ARID4B: variants seen among roughly 807,000 people sequenced by gnomAD.
ARID4B encodes the protein AT-rich interactive domain-containing protein 4B.
Under a neutral mutation model 147.5 loss-of-function variants are expected in ARID4B, and 26 were observed. That is an observed-to-expected ratio of 0.18 (90% CI 0.13 to 0.24). The LOEUF (loss-of-function observed/expected upper bound fraction) is 0.24, where lower values mean the gene tolerates loss of function less well. Ranked by LOEUF, ARID4B falls within the 10% of genes least tolerant of loss-of-function variation. The pLI is 1.00. For synonymous variants in ARID4B, 512 were observed against 507.9 expected, an observed-to-expected ratio of 1.01 and a Z score of -0.11; for missense variants, 1,179 against 1,511.5, an observed-to-expected ratio of 0.78 and a Z score of 3.65.
intron 2 of ARID4B, among the ~76,000 whole-genome samples, chr1:235,274,570 TTA>T (rs1021940594): frequency 3.3e-5 from 5 of 152,090 alleles, no homozygotes; most frequent in African/African-American, 1.2e-4. Flanking sequence ...CCTTTTGAAT[TTA>T]GTGTCATTTG....
At chr1:235,308,231 T>A (rs1232217744) in intron 2 of ARID4B, among the ~76,000 whole-genome samples, 1 of 151,134 alleles carries the variant, frequency 6.6e-6, no homozygotes, top group Non-Finnish European at 1.5e-5. Context: ...CCTGAGTAGC[T>A]GGGACCAGAA....
At chr1:235,189,405 A>C (rs1664927530) in intron 19 of ARID4B, among the ~76,000 whole-genome samples, 1 of 150,780 alleles carries the variant, frequency 6.6e-6, no homozygotes, top group African/African-American at 2.4e-5. Flanking sequence ...GTCTCAAAAA[A>C]AAAAAAAAAA....
At chr1:235,230,611 A>AAC (rs1668150267) in intron 10 of ARID4B, among the ~76,000 whole-genome samples, 1 of 132,720 alleles carries the variant, frequency 7.5e-6, no homozygotes, top group Non-Finnish European at 1.6e-5. Flanking sequence ...AAAAAAAAAA[A>AAC]AAAAACCAGA....
In ARID4B at chr1:235,182,403, G is replaced by C; in HGVS notation, c.2516C>G (p.Pro839Arg). 6.2e-7 allele frequency: 1 copy of C among 1,608,242 alleles called. No homozygotes were observed. Among genetic ancestry groups the C allele is most frequent in the Non-Finnish European group, 8.5e-7 (1 of 1,178,650 alleles). ...NTEECLKTGS[P>R]GKKEEKAKNK... The stretch of plus-strand genomic sequence containing the variant: ...CTTGGCCTTCTCTTCCTTTTTGCCA[G>C]GTGATCCAGTTTTTAGACACTCTTC... The change falls in exon 20 of 24, where the codon CCT becomes CGT. Residue 839 changes from proline to arginine, a missense_variant. By Grantham distance (103) the Pro-to-Arg change is moderately radical (BLOSUM62 -2). Transcript: ENST00000264183.
chr1:235,218,903 T>TC (rs1235199913), intron 16 of ARID4B, among the ~76,000 whole-genome samples: 26 of 144,614 alleles, frequency 1.8e-4, no homozygotes, highest in Admixed American at 1.7e-3. Flanking sequence ...TCTCACTCGA[T>TC]CCCCCAAGCT....
Position 235,182,807 on chromosome 1 carries a change from G to GAA in ARID4B, c.2126-16_2126-15dup, listed in dbSNP as rs60537954. The stretch of plus-strand genomic sequence containing the variant: ...AACTTTCAGAAGCTAGAAAATAACA[G>GAA]AAAAAAAAATGATGAGTATGATAAG... On this transcript the variant is annotated splice_polypyrimidine_tract_variant and intron_variant, in intron 19 of 23. Coordinates refer to ENST00000264183, the MANE Select transcript of ARID4B (RefSeq NM_016374.6). 7,790 of 1,540,264 alleles carry GAA rather than the reference G, an allele frequency of 5.1e-3. 304 individuals carry two copies. In the African/African-American group the frequency reaches 0.097, roughly 19 times the overall value.
intron 7 of ARID4B, among the ~76,000 whole-genome samples, chr1:235,242,322 C>G (rs565545046): frequency 6.6e-6 from 1 of 151,768 alleles, no homozygotes; most frequent in African/African-American, 2.4e-5. Context: ...AAGTAGGTAA[C>G]AATAAGAAAA....
intron 2 of ARID4B, among the ~76,000 whole-genome samples, chr1:235,263,803 C>G (rs903249104): frequency 6.6e-6 from 1 of 151,036 alleles, no homozygotes; most frequent in East Asian, 1.9e-4. Context: ...CTGGCTAACA[C>G]GGTGAAACCC....
intron 11 of ARID4B, among the ~76,000 whole-genome samples, chr1:235,225,666 C>T (rs899547607): frequency 6.6e-6 from 1 of 152,176 alleles, no homozygotes. Context: ...CTAGGCTTTA[C>T]AGTTACTCTG....
intron 19 of ARID4B, among the ~76,000 whole-genome samples, chr1:235,183,228 T>C (rs1277539511): frequency 1.3e-5 from 2 of 152,118 alleles, no homozygotes; most frequent in East Asian, 3.8e-4. Flanking sequence ...TTTTTTTTTT[T>C]TTGAGTCTCA....
chr1:235,203,550 C>G (rs1666093819), intron 17 of ARID4B, among the ~76,000 whole-genome samples: 1 of 151,938 alleles, frequency 6.6e-6, no homozygotes, highest in Admixed American at 6.6e-5. Flanking sequence ...ATCTAATAAC[C>G]AACCATTAAG....
intron 2 of ARID4B, among the ~76,000 whole-genome samples, chr1:235,321,456 T>C (rs1006216841): frequency 2.0e-5 from 3 of 151,970 alleles, no homozygotes; most frequent in African/African-American, 7.3e-5. Context: ...TCTAATTTCC[T>C]AAGAAAAAAA....
intron 2 of ARID4B, among the ~76,000 whole-genome samples, chr1:235,316,791 C>T (rs1192821605): frequency 1.3e-5 from 2 of 152,144 alleles, no homozygotes; most frequent in Non-Finnish European, 2.9e-5. Flanking sequence ...TGCACTCCAG[C>T]CTGGGTGACA....
chr1:235,215,992 CTAAT>C (rs968098751), intron 16 of ARID4B, among the ~76,000 whole-genome samples: 1 of 151,724 alleles, frequency 6.6e-6, no homozygotes, highest in African/African-American at 2.4e-5. Flanking sequence ...TTTATCATTC[CTAAT>C]TAATTATACA....
At chr1:235,255,359 C>A (rs1040246671) in intron 5 of ARID4B, among the ~76,000 whole-genome samples, 1 of 150,404 alleles carries the variant, frequency 6.6e-6, no homozygotes, top group East Asian at 1.9e-4. Flanking sequence ...CATTACTGAA[C>A]TATAAACTTA....
At chr1:235,201,169 T>A (rs1571960403) in intron 17 of ARID4B, among the ~76,000 whole-genome samples, 1 of 151,410 alleles carries the variant, frequency 6.6e-6, no homozygotes, top group South Asian at 2.1e-4. Flanking sequence ...TAAATAAAAA[T>A]AAAGTAAAAC....
At chr1:235,265,839 A>T (rs1670571064) in intron 2 of ARID4B, among the ~76,000 whole-genome samples, 1 of 152,196 alleles carries the variant, frequency 6.6e-6, no homozygotes, top group African/African-American at 2.4e-5. Flanking sequence ...TGTCACAAGG[A>T]TGAGGAGTAA....
chr1:235,326,815 C>T (rs2103325027), intron 2 of ARID4B, 99 bp downstream of exon 2: 4 of 1,472,222 alleles, frequency 2.7e-6, no homozygotes, highest in Non-Finnish European at 3.8e-6. Context: ...ACACACCTTC[C>T]TCTGCAAAAC....
intron 2 of ARID4B, among the ~76,000 whole-genome samples, chr1:235,313,301 A>C (rs1674200454): frequency 6.6e-6 from 1 of 152,020 alleles, no homozygotes; most frequent in South Asian, 2.1e-4. Flanking sequence ...AAGTGCTAGG[A>C]TTACGGGCAT....
Sources: allele counts gnomAD v4.1 joint callset (sites outside exome capture counted in the v4.1 genomes callset), GRCh38; gene constraint gnomAD v4.1.1; transcripts MANE v1.5; gene names NCBI Gene and HGNC (gene_info 2026-07-23, HGNC 2026-07-21).